Variants in PTPRM observed in about 807,000 individuals in gnomAD.
The protein encoded by PTPRM is receptor-type tyrosine-protein phosphatase mu.
PTPRM carries 47 observed loss-of-function variants against 186.7 expected under a neutral mutation model. The ratio of observed to expected loss-of-function variants is 0.25; its 90% CI spans 0.20 to 0.32. PTPRM has a LOEUF of 0.32. Among genes scored for constraint, PTPRM ranks in the 10% least tolerant of loss-of-function variants. PTPRM has a pLI of 1.00. For synonymous variants in PTPRM, 668 were observed against 674.9 expected (o/e 0.99, Z 0.16); for missense variants, 1,494 against 1,865.0 (o/e 0.80, Z 3.66).
intron 2 of PTPRM, among the ~76,000 whole-genome samples, chr18:7,792,814 A>C (rs187519100): frequency 6.6e-6 from 1 of 152,012 alleles, no homozygotes; most frequent in Non-Finnish European, 1.5e-5. Flanking sequence ...TACACAACAC[A>C]ACACTACACC....
intron 14 of PTPRM, among the ~76,000 whole-genome samples, chr18:8,153,474 C>T (rs1034417682): frequency 6.6e-6 from 1 of 152,176 alleles, no homozygotes; most frequent in Non-Finnish European, 1.5e-5. Flanking sequence ...TGATTATTTA[C>T]TAGATAATAA....
At chr18:8,066,584 G>A (rs2089099282) in intron 7 of PTPRM, among the ~76,000 whole-genome samples, 1 of 152,144 alleles carries the variant, frequency 6.6e-6, no homozygotes, top group Non-Finnish European at 1.5e-5. Flanking sequence ...CAACACATTA[G>A]TAGGCACAGC....
rs151206802 is a variant in PTPRM at position 8,045,122 on chromosome 18, T to C, written c.1133-24564T>C. On this transcript the variant is annotated intron_variant, in intron 7 of 32. Transcript: ENST00000580170. ...AACACTTTGGGAGGCCAAGGCAGGC[T>C]GATTACTTGAGCTGAGGAATTTAAG... is the stretch of plus-strand genomic sequence containing the variant. Among the ~76,000 whole-genome samples, 1,257 of 152,304 alleles carry C rather than the reference T, an allele frequency of 8.3e-3. 22 individuals are homozygous for C. The highest frequency in any genetic ancestry group is 0.028 in the African/African-American group (1,174 of 41,578).
In PTPRM at chr18:8,273,738, A is replaced by G. The variant is rs76906790; in HGVS notation, c.2754+20324A>G. ...TGGGTCTTTTATAAGTTACATTTGC[A>G]ATTCAAGACTGACAGTATTTAGAAA... On this transcript the variant is annotated intron_variant, in intron 19 of 32. Transcript: ENST00000580170. Among the ~76,000 whole-genome samples, 570 of 152,318 alleles carry G rather than the reference A, an allele frequency of 3.7e-3. 4 individuals carry two copies. The highest frequency in any genetic ancestry group is 0.027 in the Admixed American group (418 of 15,294).
intron 2 of PTPRM, among the ~76,000 whole-genome samples, chr18:7,875,623 C>T (rs2048201503): frequency 6.6e-6 from 1 of 152,124 alleles, no homozygotes. Context: ...TGTGCCCGGC[C>T]AACATGCACC....
chr18:8,036,870 A>T (rs375995756), intron 7 of PTPRM, among the ~76,000 whole-genome samples: 3 of 152,172 alleles, frequency 2.0e-5, no homozygotes, highest in African/African-American at 7.2e-5. Flanking sequence ...ACAACTGATG[A>T]TGTAAATACA....
At chr18:7,686,482 C>T (rs2039604648) in intron 1 of PTPRM, among the ~76,000 whole-genome samples, 1 of 151,698 alleles carries the variant, frequency 6.6e-6, no homozygotes, top group Non-Finnish European at 1.5e-5. Flanking sequence ...ATATTTCAGG[C>T]ATATTCTTAT....
intron 19 of PTPRM, among the ~76,000 whole-genome samples, chr18:8,292,046 G>T (rs753690310): frequency 6.6e-6 from 1 of 152,168 alleles, no homozygotes; most frequent in Non-Finnish European, 1.5e-5. Context: ...CCCAGTTACT[G>T]TACTTGCCCT....
At position 8,044,788 on chromosome 18, in the gene PTPRM, TAAAAAC is replaced by T. The variant is rs1192499489; in HGVS notation, c.1133-24891_1133-24886del. Among the ~76,000 whole-genome samples the T allele has an allele frequency of 2.3e-5, 3 of 127,874 alleles. No homozygotes were observed. The East Asian group carries it at 7.0e-4, about 30-fold the overall frequency. 83.9% of individuals were successfully genotyped at this position (127,874 alleles called of 152,430 possible). ...AAAAAAAAAAAGAAAAAACAGAAAA[TAAAAAC>T]AAAAACCATGAGATACAACTTTATA... On this transcript the variant is annotated intron_variant, in intron 7 of 32. Coordinates refer to ENST00000580170, the MANE Select transcript of PTPRM (RefSeq NM_001105244.2).
chr18:8,344,472 A>ATATATATATATATATATATATATATATC (rs1161839943), intron 23 of PTPRM, among the ~76,000 whole-genome samples: 10 of 146,892 alleles, frequency 6.8e-5, no homozygotes, highest in African/African-American at 2.3e-4. Flanking sequence ...ATATATATAT[A>ATATATATATATATATATATATATATATC]TATCTAGCAA....
chr18:8,276,367 C>T (rs1245185655), intron 19 of PTPRM, among the ~76,000 whole-genome samples: 2 of 152,152 alleles, frequency 1.3e-5, no homozygotes, highest in Non-Finnish European at 2.9e-5. Context: ...ACAAGCTGCT[C>T]TTTACAGGAT....
chr18:8,343,428 A>T lies in PTPRM; in HGVS notation c.2962A>T (p.Met988Leu). The T allele has an allele frequency of 6.2e-7, 1 of 1,613,338 alleles. No individual in the cohort carries two copies. Among genetic ancestry groups the T allele is most frequent in the Non-Finnish European group, 8.5e-7 (1 of 1,179,762 alleles). The change falls in exon 23 of 33, where the codon ATG (methionine) becomes TTG (leucine). Residue 988 changes from methionine to leucine, a missense_variant. Coordinates refer to ENST00000580170, the MANE Select transcript of PTPRM (RefSeq NM_001105244.2). ...PNHYIATQGPMQETIYDFWRM... is the reference protein window; with the variant it reads ...PNHYIATQGPLQETIYDFWRM... ...TCTGTTGTGTTTTGCTGCAGGGCCA[A>T]TGCAGGAAACCATCTATGACTTCTG... is the stretch of plus-strand genomic sequence containing the variant.
chr18:8,392,559 A>G (rs775017701), intron 31 of PTPRM, among the ~76,000 whole-genome samples: 21 of 151,960 alleles, frequency 1.4e-4, no homozygotes, highest in Admixed American at 4.6e-4. Context: ...CCCAGGAGGC[A>G]GAGCTTGCAG....
intron 7 of PTPRM, among the ~76,000 whole-genome samples, chr18:7,995,225 G>T (rs190560063): frequency 2.6e-5 from 4 of 152,014 alleles, no homozygotes; most frequent in African/African-American, 7.2e-5. Context: ...GATAGAATGA[G>T]GAAGAAATAG....
chr18:7,671,716 T>C (rs184420106), intron 1 of PTPRM, among the ~76,000 whole-genome samples: 12 of 152,294 alleles, frequency 7.9e-5, no homozygotes, highest in South Asian at 6.2e-4. Context: ...AAATAAAGAA[T>C]TGGACATTGC....
chr18:7,628,590 A>G (rs1392831300), intron 1 of PTPRM, among the ~76,000 whole-genome samples: 1 of 152,242 alleles, frequency 6.6e-6, no homozygotes, highest in Non-Finnish European at 1.5e-5. Flanking sequence ...CTTTAATTTA[A>G]AGGAAAACTA....
rs114746453 is a variant in PTPRM at position 7,622,232 on chromosome 18, G to A, written c.73+54341G>A. Among the ~76,000 whole-genome samples the A allele has an allele frequency of 7.3e-3, 1,106 of 152,180 alleles. 15 individuals carry two copies. The highest frequency in any genetic ancestry group is 0.025 in the African/African-American group (1,038 of 41,506). The stretch of plus-strand genomic sequence containing the variant: ...ACATGGCCTGCAATTTCTGAAATAC[G>A]TAGTGTATTTGTTCTTTTTTTTTGG... On this transcript the variant is annotated intron_variant, in intron 1 of 32. Coordinates refer to ENST00000580170, the MANE Select transcript of PTPRM (RefSeq NM_001105244.2).
At chr18:7,953,948 G>T (rs552356172) in intron 6 of PTPRM, among the ~76,000 whole-genome samples, 9 of 152,132 alleles carry the variant, frequency 5.9e-5, no homozygotes, top group Non-Finnish European at 1.3e-4. Context: ...AACAGAACAT[G>T]CCAAAAAGGC....
In PTPRM at chr18:8,069,920, G is replaced by C; in HGVS notation, c.1367G>C (p.Ser456Thr). Residue 456 changes from serine to threonine, a missense_variant, in exon 8 of 33, where the codon AGT becomes ACT. This residue lies in a region of PTPRM where 1,107 missense variants were observed against 1,350.2 expected (regional missense o/e 0.82). Coordinates refer to ENST00000580170, the MANE Select transcript of PTPRM (RefSeq NM_001105244.2). ...ITNLSPYTNV[S>T]VKLILMNPEG... ...AACCTGTCACCATACACCAATGTCAGTGTGAAACTGATCCTCATGAACCCA... is the reference window on the plus strand; with the variant it reads ...AACCTGTCACCATACACCAATGTCACTGTGAAACTGATCCTCATGAACCCA... 2 of 1,614,078 alleles carry C rather than the reference G, an allele frequency of 1.2e-6. No individual in the cohort carries two copies. Among genetic ancestry groups the C allele is most frequent in the Non-Finnish European group, 1.7e-6 (2 of 1,179,960 alleles).
Sources: gnomAD v4.1 joint callset for allele counts (sites outside exome capture counted in the v4.1 genomes callset) on GRCh38, gnomAD v4.1.1 for gene constraint, gnomAD v4.1.1 regional missense constraint, MANE v1.5 for transcripts, NCBI Gene and HGNC (gene_info 2026-07-23, HGNC 2026-07-21) for gene names.